PPIL6: variants seen among roughly 807,000 people sequenced by gnomAD.
The protein encoded by PPIL6 is probable inactive peptidyl-prolyl cis-trans isomerase-like 6.
Under a neutral mutation model 36.8 loss-of-function variants are expected in PPIL6, and 39 were observed. The ratio of observed to expected loss-of-function variants is 1.06; its 90% confidence interval spans 0.82 to 1.38. The LOEUF is 1.38. Ranked by LOEUF, PPIL6 falls within the 40% of genes most tolerant of loss-of-function variation. The pLI is 0.00. For synonymous variants in PPIL6, 123 were observed against 134.1 expected (o/e 0.92, Z 0.57); for missense variants, 368 against 379.1 (o/e 0.97, Z 0.24).
At chr6:109,420,509 G>A (rs987386466) in intron 5 of PPIL6, among the ~76,000 whole-genome samples, 6 of 152,082 alleles carry the variant, frequency 3.9e-5, no homozygotes, top group African/African-American at 1.2e-4. Context: ...CACATGCTAC[G>A]CATATTTTGG....
intron 6 of PPIL6, chr6:109,405,185 G>A (rs1473408736): frequency 4.7e-6 from 1 of 213,624 alleles, no homozygotes; most frequent in African/African-American, 2.4e-5. Flanking sequence ...CTCAGGCCAA[G>A]AAAAGAAACT....
At chr6:109,440,900 C>T (rs1245518667), upstream of PPIL6, 4 of 566,450 alleles carry the variant, frequency 7.1e-6, no homozygotes, top group Non-Finnish European at 1.2e-5. Context: ...AGCGGATCGC[C>T]TTTCCGGGTT....
intron 5 of PPIL6, among the ~76,000 whole-genome samples, chr6:109,421,032 C>A (rs562641856): frequency 6.6e-6 from 1 of 152,186 alleles, no homozygotes. Context: ...AGGGCCCCCC[C>A]ACCATCAATC....
intron 5 of PPIL6, among the ~76,000 whole-genome samples, chr6:109,425,937 T>TA (rs565321961): frequency 4.8e-4 from 73 of 151,912 alleles, no homozygotes; most frequent in African/African-American, 1.2e-3. Context: ...AGCAATATGA[T>TA]AAAAAAAACT....
chr6:109,417,931 T>C (rs1056245986), intron 6 of PPIL6, among the ~76,000 whole-genome samples: 5 of 152,242 alleles, frequency 3.3e-5, no homozygotes, highest in African/African-American at 1.2e-4. Context: ...CATCGTTTCC[T>C]ATGGCACATA....
intron 1 of PPIL6, among the ~76,000 whole-genome samples, chr6:109,436,665 G>A (rs901638973): frequency 6.6e-6 from 1 of 152,148 alleles, no homozygotes; most frequent in African/African-American, 2.4e-5. Flanking sequence ...AGGTTGCAGT[G>A]AGCAGAGATC....
At chr6:109,399,875 C>T (rs1290516558) in intron 7 of PPIL6, among the ~76,000 whole-genome samples, 160 bp downstream of exon 7, 1 of 152,182 alleles carries the variant, frequency 6.6e-6, no homozygotes, top group Non-Finnish European at 1.5e-5. Flanking sequence ...AAACTTCTTG[C>T]AAAATATTTC....
At chr6:109,440,393 T>C (rs746806791) in intron 1 of PPIL6, 63 bp downstream of exon 1, 2 of 1,513,930 alleles carry the variant, frequency 1.3e-6, no homozygotes, top group Non-Finnish European at 1.8e-6. Flanking sequence ...GCGCCTGCAG[T>C]CCACGCGGCC....
At chr6:109,397,311 G>C (rs1772339749) in intron 7 of PPIL6, among the ~76,000 whole-genome samples, 1 of 151,838 alleles carries the variant, frequency 6.6e-6, no homozygotes, top group Admixed American at 6.6e-5. Flanking sequence ...ATAGAGAACA[G>C]GAACCATCAA....
intron 6 of PPIL6, among the ~76,000 whole-genome samples, chr6:109,404,640 T>C (rs1416062531): frequency 6.6e-6 from 1 of 152,256 alleles, no homozygotes; most frequent in Non-Finnish European, 1.5e-5. Flanking sequence ...CTTTGGAGTT[T>C]AGTATTTTAT....
chr6:109,393,186 C>T (rs1772159779), intron 7 of PPIL6, among the ~76,000 whole-genome samples: 1 of 151,812 alleles, frequency 6.6e-6, no homozygotes, highest in Admixed American at 6.6e-5. Context: ...CTGCTTGGCA[C>T]CCTCCCCTCT....
At chr6:109,435,794 G>A (rs142481796) in intron 2 of PPIL6, among the ~76,000 whole-genome samples, 256 of 152,158 alleles carry the variant, frequency 1.7e-3, no homozygotes, top group South Asian at 3.1e-3. Context: ...GTGTGGTGGC[G>A]TGTGCCTGTA....
At chr6:109,436,078 T>A in intron 2 of PPIL6, 26 bp downstream of exon 2, 2 of 1,248,476 alleles carry the variant, frequency 1.6e-6, no homozygotes, top group Non-Finnish European at 2.4e-6. Context: ...GTTGTCTATA[T>A]CCCCCACACC....
chr6:109,429,189 C>T (rs1773989589), intron 3 of PPIL6, among the ~76,000 whole-genome samples: 1 of 152,210 alleles, frequency 6.6e-6, no homozygotes, highest in Non-Finnish European at 1.5e-5. Context: ...CCTCTATCCT[C>T]ACTGCCACGA....
intron 6 of PPIL6, among the ~76,000 whole-genome samples, chr6:109,400,494 C>T (rs897910034): frequency 6.6e-6 from 1 of 152,176 alleles, no homozygotes; most frequent in African/African-American, 2.4e-5. Flanking sequence ...CAAACTTTCT[C>T]GTGCTGTTTT....
chr6:109,434,680 C>T (rs909482258), intron 2 of PPIL6, among the ~76,000 whole-genome samples: 1 of 152,092 alleles, frequency 6.6e-6, no homozygotes, highest in Non-Finnish European at 1.5e-5. Context: ...TGCAACCCAG[C>T]ACAGAACAAT....
chr6:109,402,737 T>C (rs990269177), intron 6 of PPIL6, among the ~76,000 whole-genome samples: 9 of 152,136 alleles, frequency 5.9e-5, no homozygotes, highest in Non-Finnish European at 1.2e-4. Context: ...TAAACGACTG[T>C]GTGTGGATTC....
intron 6 of PPIL6, among the ~76,000 whole-genome samples, chr6:109,403,846 A>G (rs544738355): frequency 2.0e-5 from 3 of 152,126 alleles, no homozygotes; most frequent in Non-Finnish European, 4.4e-5. Context: ...TCTGCATCTC[A>G]TGGAAGTAGG....
At chr6:109,427,069 A>G (rs1044000738) in intron 4 of PPIL6, 25 bp downstream of exon 4, 2 of 1,598,960 alleles carry the variant, frequency 1.3e-6, no homozygotes, top group East Asian at 4.5e-5. Context: ...ACCCCCACAA[A>G]CTTACATATA....
Sources: allele counts gnomAD v4.1 joint callset (sites outside exome capture counted in the v4.1 genomes callset), GRCh38; gene constraint gnomAD v4.1.1; transcripts MANE v1.5; gene names NCBI Gene and HGNC (gene_info 2026-07-23, HGNC 2026-07-21).